SLC24A2: variants seen among roughly 807,000 people sequenced by gnomAD.
The protein encoded by SLC24A2 is sodium/potassium/calcium exchanger 2.
In SLC24A2, 36 loss-of-function variants were observed where a neutral mutation model predicts 62.0. The observed-to-expected ratio is 0.58, with a 90% CI of 0.44 to 0.77. The LOEUF is 0.77. Among genes scored for constraint, SLC24A2 ranks in the 30% least tolerant of loss-of-function variants. The pLI is 0.00. For missense variants in SLC24A2, 846 were observed against 817.9 expected (o/e 1.03, Z -0.42); for synonymous variants, 358 against 294.0 (o/e 1.22, Z -2.23).
chr9:19,525,390 ACTTTTTTTT>A (rs1833392036), intron 9 of SLC24A2, among the ~76,000 whole-genome samples: 1 of 42,522 alleles, frequency 2.4e-5, no homozygotes, highest in East Asian at 6.8e-4. Context: ...CTATTTCTTT[ACTTTTTTTT>A]TTTTTTTTTT....
intron 2 of SLC24A2, among the ~76,000 whole-genome samples, chr9:19,735,012 G>A (rs1242278446): frequency 6.6e-6 from 1 of 151,998 alleles, no homozygotes; most frequent in Non-Finnish European, 1.5e-5. Flanking sequence ...TGACAAATGG[G>A]ATCTAATTAA....
the SLC24A2 span, among the ~76,000 whole-genome samples, chr9:20,228,956 A>G: frequency 6.6e-6 from 1 of 152,084 alleles, no homozygotes; most frequent in East Asian, 1.9e-4. Context: ...AGGGTCAATC[A>G]TCCCTGGCAA....
intron 2 of SLC24A2, among the ~76,000 whole-genome samples, chr9:19,662,474 T>C (rs1050980796): frequency 1.3e-5 from 2 of 152,176 alleles, no homozygotes; most frequent in Non-Finnish European, 2.9e-5. Context: ...TACTCCTACT[T>C]ACATTTATCT....
At chr9:20,044,626 T>C in the SLC24A2 span, among the ~76,000 whole-genome samples, 10 of 141,972 alleles carry the variant, frequency 7.0e-5, no homozygotes, top group Middle Eastern at 3.4e-3. Flanking sequence ...ATCTAATCAA[T>C]TGGGGATAAA....
chr9:19,724,335 G>A (rs149254911), intron 2 of SLC24A2, among the ~76,000 whole-genome samples: 76 of 152,308 alleles, frequency 5.0e-4, no homozygotes, highest in African/African-American at 1.8e-3. Context: ...ACAGCAGCAT[G>A]TGATAACAGC....
At chr9:19,887,402 G>A in the SLC24A2 span, among the ~76,000 whole-genome samples, 2 of 151,944 alleles carry the variant, frequency 1.3e-5, no homozygotes, top group African/African-American at 4.8e-5. Context: ...AGATGAATGG[G>A]CAATTCTCAA....
At chr9:19,836,841 C>T in the SLC24A2 span, among the ~76,000 whole-genome samples, 1 of 152,158 alleles carries the variant, frequency 6.6e-6, no homozygotes, top group Non-Finnish European at 1.5e-5. Flanking sequence ...AAAATACTGG[C>T]AAACAGAATC....
the SLC24A2 span, among the ~76,000 whole-genome samples, chr9:19,989,558 A>G: frequency 6.6e-6 from 1 of 152,166 alleles, no homozygotes; most frequent in African/African-American, 2.4e-5. Flanking sequence ...CTTTATACTA[A>G]GTGATCTGTC....
chr9:19,985,359 T>C, the SLC24A2 span, among the ~76,000 whole-genome samples: 5 of 152,150 alleles, frequency 3.3e-5, no homozygotes, highest in Admixed American at 2.0e-4. Context: ...AGGGATTGGA[T>C]AAACAAATTA....
At chr9:19,699,771 A>C (rs1464750495) in intron 2 of SLC24A2, among the ~76,000 whole-genome samples, 3 of 152,186 alleles carry the variant, frequency 2.0e-5, no homozygotes, top group Non-Finnish European at 4.4e-5. Flanking sequence ...AATTTTCTGC[A>C]AGGAGATTCC....
chr9:19,706,540 CG>C (rs1237746949), intron 2 of SLC24A2, among the ~76,000 whole-genome samples: 17 of 151,916 alleles, frequency 1.1e-4, no homozygotes, highest in African/African-American at 3.1e-4. Flanking sequence ...CCACCATGCC[CG>C]GCTAATTTTT....
chr9:19,842,237 C>A, the SLC24A2 span, among the ~76,000 whole-genome samples: 105,644 of 152,090 alleles, frequency 0.69, 41,064 homozygotes, highest in Non-Finnish European at 0.87. Flanking sequence ...GATTTCTGTA[C>A]AGTATTGAGT....
chr9:20,146,006 A>G, the SLC24A2 span, among the ~76,000 whole-genome samples: 1 of 152,106 alleles, frequency 6.6e-6, no homozygotes, highest in African/African-American at 2.4e-5. Context: ...GGCATTAAAT[A>G]ATTATAATAT....
the SLC24A2 span, among the ~76,000 whole-genome samples, chr9:19,913,426 C>T: frequency 6.6e-6 from 1 of 152,082 alleles, no homozygotes; most frequent in Non-Finnish European, 1.5e-5. Flanking sequence ...GTCAGATTCC[C>T]TTGTGTGGGA....
chr9:19,964,486 G>A, the SLC24A2 span, among the ~76,000 whole-genome samples: 1 of 152,164 alleles, frequency 6.6e-6, no homozygotes, highest in Non-Finnish European at 1.5e-5. Flanking sequence ...TTTTGATAGA[G>A]GGCCTTCAGG....
At chr9:19,831,729 A>T in the SLC24A2 span, among the ~76,000 whole-genome samples, 3 of 152,218 alleles carry the variant, frequency 2.0e-5, no homozygotes, top group African/African-American at 4.8e-5. Context: ...GTGAGAAAAA[A>T]ATCTCAAGCC....
rs1832849083 is a variant in SLC24A2, at chr9:19,514,395, T to C, written c.*1758A>G. 1 of 152,204 alleles carries C rather than the reference T, an allele frequency of 6.6e-6. No homozygotes were observed. Among genetic ancestry groups the C allele is most frequent in the African/African-American group, 2.4e-5 (1 of 41,464 alleles). The allele number at this position is 152,204 out of a possible 1,614,324, so 9.4% of individuals were successfully genotyped here. A position where few individuals can be genotyped will look rare whatever the true frequency, so the allele number is the denominator to read the frequency against. On this transcript the variant is annotated 3_prime_UTR_variant, in exon 11 of 11. Transcript: ENST00000341998. ...CATATGTACCAACTTAGACGTAGGA[T>C]GGGTACAGAATAATGAACCATCCTT...
chr9:20,164,583 T>C, the SLC24A2 span, among the ~76,000 whole-genome samples: 1 of 151,024 alleles, frequency 6.6e-6, no homozygotes, highest in Non-Finnish European at 1.5e-5. Flanking sequence ...TGGCGATTCC[T>C]CAGGGATCTA....
chr9:19,760,531 C>A (rs556240861), intron 2 of SLC24A2, among the ~76,000 whole-genome samples: 33 of 151,828 alleles, frequency 2.2e-4, no homozygotes, highest in Admixed American at 6.6e-4. Context: ...CCTGACCCCC[C>A]CAACAGGCTC....
Sources: allele counts gnomAD v4.1 joint callset (sites outside exome capture counted in the v4.1 genomes callset), GRCh38; gene constraint gnomAD v4.1.1; transcripts MANE v1.5; gene names NCBI Gene and HGNC (gene_info 2026-07-23, HGNC 2026-07-21).